Variants in SLC17A8 observed in about 807,000 individuals in gnomAD.
The protein encoded by SLC17A8 is vesicular glutamate transporter 3.
In SLC17A8, 31 loss-of-function variants were observed where a neutral mutation model predicts 58.0. The ratio of observed to expected loss-of-function variants is 0.53; its 90% CI spans 0.40 to 0.72. The LOEUF is 0.72. Among genes scored for constraint, SLC17A8 ranks in the 30% least tolerant of loss-of-function variants. The pLI is 0.00. For missense variants in SLC17A8, 655 were observed against 727.8 expected (o/e 0.90, Z 1.15); for synonymous variants, 228 against 249.0 (o/e 0.92, Z 0.79).
chr12:100,380,683 A>G lies in SLC17A8; in HGVS notation c.102-18A>G, dbSNP rs761609858. The G allele has an allele frequency of 2.0e-5, 32 of 1,613,168 alleles. No homozygotes were observed. The highest frequency in any genetic ancestry group is 2.5e-5 in the Non-Finnish European group (30 of 1,179,852). On this transcript the variant is annotated intron_variant, in intron 1 of 11. Coordinates refer to ENST00000323346, the MANE Select transcript of SLC17A8 (RefSeq NM_139319.3). Reference sequence around the variant, plus strand: ...TAATCCTGGCTTTTATTTTCTGCCTATCCTTTTTCCCATGTAGAAAAATCG... The same window carrying G: ...TAATCCTGGCTTTTATTTTCTGCCTGTCCTTTTTCCCATGTAGAAAAATCG...
intron 1 of SLC17A8, among the ~76,000 whole-genome samples, chr12:100,376,247 C>T (rs1952593985): frequency 6.6e-6 from 1 of 152,202 alleles, no homozygotes; most frequent in Non-Finnish European, 1.5e-5. Flanking sequence ...TTTGTTACAG[C>T]ATCCCTGGAA....
intron 10 of SLC17A8, among the ~76,000 whole-genome samples, chr12:100,414,548 G>A (rs1057388427): frequency 5.3e-5 from 8 of 152,186 alleles, no homozygotes; most frequent in African/African-American, 1.9e-4. Context: ...GGGTTGTTGG[G>A]AGGATAAACT....
chr12:100,382,178 T>C (rs7311096), intron 2 of SLC17A8, among the ~76,000 whole-genome samples: 103,599 of 152,104 alleles, frequency 0.68, 37,581 homozygotes, highest in East Asian at 0.99. Flanking sequence ...TGATCATCCA[T>C]AGCCTGGTAG....
intron 10 of SLC17A8, among the ~76,000 whole-genome samples, chr12:100,416,779 C>T (rs1952909352): frequency 6.6e-6 from 1 of 152,136 alleles, no homozygotes; most frequent in Non-Finnish European, 1.5e-5. Flanking sequence ...GTCTATGCAC[C>T]ATGTAGTTAA....
At chr12:100,409,926 T>G (rs936336351) in intron 9 of SLC17A8, among the ~76,000 whole-genome samples, 3 of 152,138 alleles carry the variant, frequency 2.0e-5, no homozygotes, top group Non-Finnish European at 2.9e-5. Context: ...CAGGAGGTAT[T>G]CATTATAGAA....
Position 100,380,821 on chromosome 12 carries a change from G to C in SLC17A8, c.222G>C (p.Lys74Asn). 1.2e-6 allele frequency: 2 copies of C among 1,614,100 alleles called. No homozygotes were observed. The highest frequency in any genetic ancestry group is 1.7e-6 in the Non-Finnish European group (2 of 1,180,026). ...LCDCHCCGLP[K>N]RYIIAIMSGL... ...ACTGCCACTGCTGCGGCCTCCCCAA[G>C]CGTTACATCATTGCTATCATGAGTG... Residue 74 changes from lysine (K) to asparagine (N), a missense_variant, in exon 2 of 12, where the codon AAG (lysine) becomes AAC (asparagine). Transcript: ENST00000323346.
At position 100,380,790 on chromosome 12, in the gene SLC17A8, T is replaced by TCTGCGA. The variant is rs1267084890; in HGVS notation, c.196_201dup (p.Asp66_Cys67dup). The TCTGCGA allele has an allele frequency of 3.7e-6, 6 of 1,613,986 alleles. No homozygotes were observed. In the East Asian group the frequency reaches 1.1e-4, roughly 30 times the overall value. On this transcript the variant is annotated inframe_insertion, in exon 2 of 12. Coordinates refer to ENST00000323346, the MANE Select transcript of SLC17A8 (RefSeq NM_139319.3). ...CAGACGTCCAGGCCAAGCCCCCCAC[T>TCTGCGA]CTGCGACTGCCACTGCTGCGGCCTC...
intron 8 of SLC17A8, 23 bp from the exon 9 acceptor site, chr12:100,404,015 C>T: frequency 5.0e-6 from 8 of 1,613,986 alleles, no homozygotes; most frequent in Middle Eastern, 1.7e-4. Context: ...TGACAAACTG[C>T]TTACTGTTTC....
chr12:100,399,006 T>C (rs758870692), intron 5 of SLC17A8, among the ~76,000 whole-genome samples: 13 of 152,208 alleles, frequency 8.5e-5, no homozygotes, highest in Non-Finnish European at 1.8e-4. Context: ...ATTAAACCTC[T>C]TTCTTTTGTA....
At chr12:100,392,592 G>A (rs966331917) in intron 3 of SLC17A8, among the ~76,000 whole-genome samples, 3 of 151,956 alleles carry the variant, frequency 2.0e-5, no homozygotes, top group Non-Finnish European at 2.9e-5. Context: ...GGTTGCTATG[G>A]TTTCCTGGGT....
At chr12:100,384,058 T>C (rs1952656035) in intron 2 of SLC17A8, among the ~76,000 whole-genome samples, 1 of 152,298 alleles carries the variant, frequency 6.6e-6, no homozygotes, top group African/African-American at 2.4e-5. Context: ...GAAAAGTGTT[T>C]GGCATATAGT....
intron 5 of SLC17A8, among the ~76,000 whole-genome samples, chr12:100,399,376 A>AT (rs1327479388): frequency 1.3e-5 from 2 of 152,212 alleles, no homozygotes; most frequent in Non-Finnish European, 2.9e-5. Flanking sequence ...GATGAGGAAG[A>AT]TTTTTTCTGA....
intron 8 of SLC17A8, among the ~76,000 whole-genome samples, chr12:100,403,148 T>G (rs1398996135): frequency 1.3e-5 from 2 of 152,166 alleles, no homozygotes; most frequent in Non-Finnish European, 2.9e-5. Context: ...ATGGTGGCTA[T>G]AGCAGTAACA....
chr12:100,418,720 A>G (rs971465166), intron 11 of SLC17A8, among the ~76,000 whole-genome samples: 1 of 152,234 alleles, frequency 6.6e-6, no homozygotes, highest in African/African-American at 2.4e-5. Flanking sequence ...TTGTCACTGA[A>G]ACGTCTCAAG....
intron 2 of SLC17A8, among the ~76,000 whole-genome samples, chr12:100,385,429 G>A (rs978509524): frequency 4.6e-5 from 7 of 152,086 alleles, no homozygotes; most frequent in East Asian, 3.9e-4. Context: ...ATAGAGACGA[G>A]GTTTCACCAT....
At chr12:100,378,764 G>A (rs994819216) in intron 1 of SLC17A8, among the ~76,000 whole-genome samples, 16 of 152,240 alleles carry the variant, frequency 1.1e-4, no homozygotes, top group African/African-American at 3.6e-4. Context: ...CGGCAGGTAG[G>A]TAGGTACATT....
At chr12:100,401,754 C>T (rs1228894425) in intron 5 of SLC17A8, 23 bp from the exon 6 acceptor site, 4 of 1,585,304 alleles carry the variant, frequency 2.5e-6, no homozygotes, top group Non-Finnish European at 2.6e-6. Flanking sequence ...TGGTCAGATT[C>T]CCTCAATCTT....
At chr12:100,365,714 C>CCTG (rs1952515826) in intron 1 of SLC17A8, among the ~76,000 whole-genome samples, 1 of 152,140 alleles carries the variant, frequency 6.6e-6, no homozygotes, top group South Asian at 2.1e-4. Flanking sequence ...ACGTGATGGA[C>CCTG]CTGTGATCTT....
At chr12:100,377,489 A>G (rs1440124256) in intron 1 of SLC17A8, among the ~76,000 whole-genome samples, 1 of 151,184 alleles carries the variant, frequency 6.6e-6, no homozygotes, top group East Asian at 1.9e-4. Context: ...TAAGTGGGCG[A>G]CTCAACATTC....
Sources: allele counts gnomAD v4.1 joint callset (sites outside exome capture counted in the v4.1 genomes callset), GRCh38; gene constraint gnomAD v4.1.1; transcripts MANE v1.5; gene names NCBI Gene and HGNC (gene_info 2026-07-23, HGNC 2026-07-21).